Variants in SLC14A2 observed in about 807,000 individuals in gnomAD.
SLC14A2 encodes urea transporter 2.
A neutral mutation model predicts 104.6 loss-of-function variants in SLC14A2; 91 were observed. The ratio of observed to expected loss-of-function variants is 0.87; its 90% CI spans 0.73 to 1.04. The LOEUF (loss-of-function observed/expected upper bound fraction) is 1.04. SLC14A2 is among the 50% of genes least tolerant of loss of function. The pLI is 0.00. For synonymous variants in SLC14A2, 476 were observed against 466.4 expected, an observed-to-expected ratio of 1.02 and a Z score of -0.27; for missense variants, 1,189 against 1,156.0, an observed-to-expected ratio of 1.03 and a Z score of -0.41.
chr18:45,433,395 C>A (rs62090733), intron 1 of SLC14A2, among the ~76,000 whole-genome samples: 39,340 of 152,152 alleles, frequency 0.26, 6,163 homozygotes, highest in Non-Finnish European at 0.36. Flanking sequence ...CCTAGGCCTT[C>A]TTCTATGATG....
intron 1 of SLC14A2, among the ~76,000 whole-genome samples, chr18:45,312,887 G>A (rs2085093059): frequency 6.6e-6 from 1 of 152,204 alleles, no homozygotes; most frequent in South Asian, 2.1e-4. Context: ...GGCGGGGTAT[G>A]TGCTGACTGC....
Position 45,253,400 on chromosome 18 carries a change from G to A in SLC14A2, c.-125+40209G>A, listed in dbSNP as rs537466329. 8.5e-5 allele frequency among the ~76,000 whole-genome samples: 13 copies of A among 152,164 alleles called. No homozygotes were observed. In the South Asian group the frequency reaches 2.7e-3, roughly 32 times the overall value. On this transcript the variant is annotated intron_variant, in intron 1 of 20. Coordinates refer to the SLC14A2 transcript ENST00000586448. Reference sequence around the variant, plus strand: ...CCAAGAGAGTGCAGAGAGATCCAGGGATTTGGGGATATGAGCAGATTACTT... The same window carrying A: ...CCAAGAGAGTGCAGAGAGATCCAGGAATTTGGGGATATGAGCAGATTACTT...
chr18:45,240,359 C>T (rs890657115), intron 1 of SLC14A2, among the ~76,000 whole-genome samples: 3 of 151,726 alleles, frequency 2.0e-5, no homozygotes, highest in Admixed American at 2.0e-4. Context: ...CCCCCCAAAG[C>T]TCTGGGATTA....
At chr18:45,601,444 T>G (rs1255352412) in intron 2 of SLC14A2, among the ~76,000 whole-genome samples, 1 of 152,216 alleles carries the variant, frequency 6.6e-6, no homozygotes, top group African/African-American at 2.4e-5. Context: ...GAGGACAGTG[T>G]GCATGCTCTA....
intron 1 of SLC14A2, among the ~76,000 whole-genome samples, chr18:45,281,168 G>A (rs761977863): frequency 1.1e-4 from 17 of 152,176 alleles, no homozygotes; most frequent in Non-Finnish European, 1.2e-4. Context: ...TGCCTATCAC[G>A]TCTGAACACT....
intron 1 of SLC14A2, among the ~76,000 whole-genome samples, chr18:45,319,588 C>T (rs1164998406): frequency 3.3e-5 from 5 of 152,232 alleles, no homozygotes; most frequent in Admixed American, 2.6e-4. Flanking sequence ...CTCTAGGAGG[C>T]ATTCAATAAA....
chr18:45,346,450 C>G (rs1447764637), intron 1 of SLC14A2, among the ~76,000 whole-genome samples: 4 of 152,182 alleles, frequency 2.6e-5, no homozygotes, highest in Non-Finnish European at 5.9e-5. Flanking sequence ...AGCCACCATG[C>G]CTGGTCCCTG....
rs192325417 is a variant in SLC14A2, at chr18:45,385,176, C to T, written c.-124-98057C>T. Among the ~76,000 whole-genome samples the T allele has an allele frequency of 5.3e-3, 802 of 152,328 alleles. 5 individuals carry two copies. The highest frequency in any genetic ancestry group is 0.01 in the Middle Eastern group (3 of 294). ...AGTGGGGCTGATTTACTGCTCTAAT[C>T]ACCAGCATCCAATCCGAAGCCAGAC... On this transcript the variant is annotated intron_variant, in intron 1 of 20. Coordinates refer to the SLC14A2 transcript ENST00000586448.
intron 5 of SLC14A2, among the ~76,000 whole-genome samples, chr18:45,636,305 C>T (rs928544919): frequency 1.3e-5 from 2 of 152,176 alleles, no homozygotes; most frequent in Non-Finnish European, 2.9e-5. Flanking sequence ...TGGTGCCTTC[C>T]AGAGGAAACT....
chr18:45,529,259 T>C (rs2043644347), intron 2 of SLC14A2: 1 of 152,226 alleles, frequency 6.6e-6, no homozygotes, highest in South Asian at 2.1e-4. Flanking sequence ...TTTAACCTTG[T>C]GCAGAAAAAA....
intron 3 of SLC14A2, 117 bp downstream of exon 3, chr18:45,625,980 T>C: frequency 1.4e-6 from 1 of 725,976 alleles, no homozygotes; most frequent in Non-Finnish European, 2.0e-6. Context: ...TGGGTGGATC[T>C]GCCCAGGACT....
intron 1 of SLC14A2, among the ~76,000 whole-genome samples, chr18:45,282,720 C>T (rs1190609874): frequency 1.3e-5 from 2 of 152,096 alleles, no homozygotes; most frequent in African/African-American, 4.8e-5. Context: ...CAGGGCATAT[C>T]TTTGGTTATT....
intron 1 of SLC14A2, among the ~76,000 whole-genome samples, chr18:45,469,940 A>G (rs2612552): frequency 0.59 from 89,629 of 152,010 alleles, 26,648 homozygotes; most frequent in Admixed American, 0.68. Flanking sequence ...AGATACTGTC[A>G]ATTCTTTTAT....
intron 1 of SLC14A2, among the ~76,000 whole-genome samples, chr18:45,280,518 G>A (rs958105265): frequency 1.2e-4 from 18 of 152,066 alleles, no homozygotes; most frequent in African/African-American, 4.1e-4. Context: ...ACAGATTGAA[G>A]TGTGGTCCAG....
chr18:45,387,596 T>C (rs898557656), intron 1 of SLC14A2, among the ~76,000 whole-genome samples: 3 of 152,216 alleles, frequency 2.0e-5, no homozygotes, highest in Admixed American at 2.0e-4. Flanking sequence ...TATTTTGAAA[T>C]ACATATCCAG....
At chr18:45,498,562 G>C (rs2043139198) in intron 2 of SLC14A2, among the ~76,000 whole-genome samples, 1 of 152,128 alleles carries the variant, frequency 6.6e-6, no homozygotes, top group Admixed American at 6.6e-5. Context: ...CACTCCCTCT[G>C]TATCTTCACC....
intron 2 of SLC14A2, among the ~76,000 whole-genome samples, chr18:45,609,165 A>T (rs192467854): frequency 2.0e-4 from 31 of 152,020 alleles, no homozygotes; most frequent in African/African-American, 7.2e-4. Context: ...CCCTGCTCCC[A>T]TCTCCTCTTT....
intron 2 of SLC14A2, among the ~76,000 whole-genome samples, chr18:45,595,601 G>C (rs1024709852): frequency 2.0e-5 from 3 of 152,160 alleles, no homozygotes; most frequent in African/African-American, 7.2e-5. Flanking sequence ...ACCAGGTCTC[G>C]TGGCCTCTTT....
At chr18:45,504,355 G>A (rs939531901) in intron 2 of SLC14A2, among the ~76,000 whole-genome samples, 8 of 152,112 alleles carry the variant, frequency 5.3e-5, no homozygotes, top group African/African-American at 1.2e-4. Context: ...AATCATAAAC[G>A]GTTTGCTCCT....
Sources: gnomAD v4.1 joint callset for allele counts (sites outside exome capture counted in the v4.1 genomes callset) on GRCh38, gnomAD v4.1.1 for gene constraint, MANE v1.5 for transcripts, NCBI Gene and HGNC (gene_info 2026-07-23, HGNC 2026-07-21) for gene names.